Variants in SPATA13 observed in about 807,000 individuals in gnomAD.
The protein encoded by SPATA13 is spermatogenesis-associated protein 13.
In SPATA13, 50 loss-of-function variants were observed where a neutral mutation model predicts 104.0. That is an observed-to-expected ratio of 0.48 (90% CI 0.38 to 0.61). The LOEUF (loss-of-function observed/expected upper bound fraction) is 0.61, where lower values mean the gene tolerates loss of function less well. SPATA13 is among the 20% of genes least tolerant of loss of function. The probability of loss-of-function intolerance (pLI) is 0.00; values close to 1 mark genes in which losing one functional copy is unlikely to be tolerated. For synonymous variants in SPATA13, 606 were observed against 667.5 expected (o/e 0.91, Z 1.42); for missense variants, 1,524 against 1,690.6 (o/e 0.90, Z 1.73).
chr13:24,154,479 T>C (rs1882199493), intron 3 of SPATA13, among the ~76,000 whole-genome samples: 1 of 151,892 alleles, frequency 6.6e-6, no homozygotes, highest in African/African-American at 2.4e-5. Context: ...AAGTAATTTA[T>C]GGCAATAAAC....
At chr13:24,122,903 G>C in intron 3 of SPATA13, 1 of 775,586 alleles carries the variant, frequency 1.3e-6, no homozygotes, top group Non-Finnish European at 2.4e-6. Context: ...AGATTCCCTC[G>C]AGCTGTTGGG....
At chr13:24,274,851 A>G (rs1022739638) in intron 4 of SPATA13, among the ~76,000 whole-genome samples, 2 of 152,256 alleles carry the variant, frequency 1.3e-5, no homozygotes, top group Admixed American at 1.3e-4. Flanking sequence ...GTCGGGAACC[A>G]GCTGCTCATT....
Position 24,224,268 on chromosome 13 carries a change from C to G in SPATA13, c.1339C>G (p.Pro447Ala). Residue 447 changes from proline (P) to alanine (A), a missense_variant, in exon 2 of 13, where the codon CCA (proline) becomes GCA (alanine). Physicochemically the swap from Pro to Ala is conservative, Grantham distance 27. Around this residue, in one of 2 missense-constraint regions of SPATA13, gnomAD observed 1,089 missense variants for 1,135.9 expected, o/e 0.96. Coordinates refer to ENST00000382108, the MANE Select transcript of SPATA13 (RefSeq NM_001166271.3). ...TGTGTTGAGCAAAGACTCCTGTGAC[C>G]CAAACGCTGGCAGCCAGTTGACATT... ...QDVLSKDSCDPNAGSQLTFDP... is the reference protein window; with the variant it reads ...QDVLSKDSCDANAGSQLTFDP... 1 of 1,551,668 alleles carries G rather than the reference C, an allele frequency of 6.4e-7. No individual in the cohort carries two copies. Among genetic ancestry groups the G allele is most frequent in the Non-Finnish European group, 8.7e-7 (1 of 1,146,990 alleles).
At chr13:24,174,417 T>C (rs952888379) in intron 1 of SPATA13, among the ~76,000 whole-genome samples, 1 of 151,754 alleles carries the variant, frequency 6.6e-6, no homozygotes, top group Non-Finnish European at 1.5e-5. Flanking sequence ...AAGTGGGAGA[T>C]TAGATTGATT....
At chr13:24,034,043 C>A (rs1025270361) in intron 3 of SPATA13, 4 of 152,112 alleles carry the variant, frequency 2.6e-5, no homozygotes, top group Non-Finnish European at 5.9e-5. Context: ...GGCACACTTT[C>A]AACATTTGAT....
intron 4 of SPATA13, among the ~76,000 whole-genome samples, chr13:24,280,402 C>T (rs1875405619): frequency 1.3e-5 from 2 of 152,022 alleles, no homozygotes; most frequent in East Asian, 1.9e-4. Context: ...CCTTGGAAAA[C>T]ACTGTTCAGT....
At chr13:24,020,772 G>A (rs1566075108) in intron 3 of SPATA13, among the ~76,000 whole-genome samples, 1 of 152,188 alleles carries the variant, frequency 6.6e-6, no homozygotes, top group Non-Finnish European at 1.5e-5. Context: ...GGCCGGGCGA[G>A]ATGACTCATG....
chr13:24,173,429 G>C (rs562707108), intron 1 of SPATA13, among the ~76,000 whole-genome samples: 3 of 150,188 alleles, frequency 2.0e-5, no homozygotes, highest in African/African-American at 7.4e-5. Flanking sequence ...TTTCTATGTG[G>C]GCAATCATGT....
At chr13:24,012,764 ACAGT>A (rs1268865303) in intron 2 of SPATA13, among the ~76,000 whole-genome samples, 2 of 152,254 alleles carry the variant, frequency 1.3e-5, no homozygotes, top group Non-Finnish European at 2.9e-5. Flanking sequence ...GCCCACTGCA[ACAGT>A]CAGTGTTGCC....
At chr13:24,278,364 C>T (rs1875172557) in intron 4 of SPATA13, among the ~76,000 whole-genome samples, 1 of 152,116 alleles carries the variant, frequency 6.6e-6, no homozygotes, top group African/African-American at 2.4e-5. Flanking sequence ...ATTATATGAG[C>T]CGGTTCATCT....
At chr13:24,124,919 G>A (rs1305008129) in intron 3 of SPATA13, among the ~76,000 whole-genome samples, 4 of 152,100 alleles carry the variant, frequency 2.6e-5, no homozygotes, top group African/African-American at 4.8e-5. Context: ...GCCTAGATCT[G>A]TAGAACCAAG....
intron 3 of SPATA13, among the ~76,000 whole-genome samples, chr13:24,024,232 C>G (rs1566076387): frequency 1.3e-5 from 2 of 152,126 alleles, no homozygotes; most frequent in African/African-American, 2.4e-5. Context: ...GTTTCCTGAT[C>G]CATGGTTGTA....
chr13:24,068,952 G>A (rs544404089), intron 3 of SPATA13, among the ~76,000 whole-genome samples: 27 of 152,180 alleles, frequency 1.8e-4, no homozygotes, highest in East Asian at 5.8e-4. Flanking sequence ...CTCCCATTCC[G>A]TAGGTTGTTT....
chr13:24,269,081 G>A (rs150390154), intron 4 of SPATA13, among the ~76,000 whole-genome samples: 18 of 152,258 alleles, frequency 1.2e-4, no homozygotes, highest in Admixed American at 7.8e-4. Flanking sequence ...TTTTTGGAGC[G>A]ACAGCAGCAG....
At chr13:24,187,574 G>A (rs148713109) in intron 1 of SPATA13, among the ~76,000 whole-genome samples, 299 of 152,310 alleles carry the variant, frequency 2.0e-3, no homozygotes, top group African/African-American at 6.7e-3. Context: ...ACAATAGCAT[G>A]TGCGTACATC....
rs749345841 is a variant in SPATA13, at chr13:24,302,915, G to A, written c.*142G>A. On this transcript the variant is annotated 3_prime_UTR_variant, in exon 13 of 13. Coordinates refer to ENST00000382108, the MANE Select transcript of SPATA13 (RefSeq NM_001166271.3). ...GGATCAATGAAGGAGAGAAGGTCTT[G>A]GAATCACCTTCAGTCTTTGGAGACC... 1.9e-6 allele frequency: 2 copies of A among 1,049,060 alleles called. No homozygotes were observed. The highest frequency in any genetic ancestry group is 3.2e-5 in the African/African-American group (2 of 63,196). 65.0% of individuals were successfully genotyped at this position (1,049,060 alleles called of 1,614,324 possible).
At chr13:23,996,558 C>A (rs1427622124) in intron 2 of SPATA13, among the ~76,000 whole-genome samples, 2 of 152,196 alleles carry the variant, frequency 1.3e-5, no homozygotes, top group Non-Finnish European at 2.9e-5. Context: ...CTGGGTTGGT[C>A]ACAGCTGGGC....
intron 4 of SPATA13, among the ~76,000 whole-genome samples, chr13:24,266,624 A>C (rs1874309088): frequency 6.6e-6 from 1 of 152,004 alleles, no homozygotes; most frequent in Non-Finnish European, 1.5e-5. Flanking sequence ...TCAACATTTA[A>C]TATTAATATG....
intron 1 of SPATA13, among the ~76,000 whole-genome samples, chr13:24,211,968 G>A (rs1056108183): frequency 6.6e-6 from 1 of 152,102 alleles, no homozygotes; most frequent in Non-Finnish European, 1.5e-5. Flanking sequence ...CTCCCCACGT[G>A]GCTGGAGCTC....
Sources: allele counts gnomAD v4.1 joint callset (sites outside exome capture counted in the v4.1 genomes callset), GRCh38; gene constraint gnomAD v4.1.1; regional missense constraint gnomAD v4.1.1; transcripts MANE v1.5; gene names NCBI Gene and HGNC (gene_info 2026-07-23, HGNC 2026-07-21).